Variants in BRI3BP observed in about 807,000 individuals in gnomAD.
BRI3BP encodes the protein BRI3 binding protein, also known as BRI3-binding protein.
Under a neutral mutation model 15.8 loss-of-function variants are expected in BRI3BP, and 7 were observed. That is an observed-to-expected ratio of 0.44 (90% CI 0.25 to 0.83). The LOEUF is 0.83. Among genes scored for constraint, BRI3BP ranks in the 40% least tolerant of loss-of-function variants. BRI3BP has a pLI of 0.20. For synonymous variants in BRI3BP, 192 were observed against 163.5 expected (o/e 1.17, Z -1.33); for missense variants, 320 against 339.3 (o/e 0.94, Z 0.45).
chr12:125,024,204 AAGAG>A (rs1193339533), intron 2 of BRI3BP, among the ~76,000 whole-genome samples: 2 of 152,136 alleles, frequency 1.3e-5, no homozygotes, highest in East Asian at 1.9e-4. Context: ...GCAGGAGAGA[AAGAG>A]AGAGCAAAGG....
rs1440881066 is a variant in BRI3BP, at chr12:125,026,560, G to A, written c.*1130G>A. 3.3e-5 allele frequency: 5 copies of A among 152,218 alleles called. No individual in the cohort carries two copies. The highest frequency in any genetic ancestry group is 4.8e-5 in the African/African-American group (2 of 41,520). 9.4% of individuals were successfully genotyped at this position (152,218 alleles called of 1,614,324 possible). ...TCTGTGGGCAGAGAGTGGGACTTGCGAGGTGGACAGCTGTGGGGATCCTGG... is the reference window on the plus strand; with the variant it reads ...TCTGTGGGCAGAGAGTGGGACTTGCAAGGTGGACAGCTGTGGGGATCCTGG... On this transcript the variant is annotated 3_prime_UTR_variant, in exon 3 of 3. Coordinates refer to ENST00000341446, the MANE Select transcript of BRI3BP (RefSeq NM_080626.6).
the BRI3BP span, among the ~76,000 whole-genome samples, chr12:125,041,313 C>G: frequency 6.6e-6 from 1 of 152,094 alleles, no homozygotes. Flanking sequence ...GCCTCGGCCT[C>G]CCAAAGTGCT....
At chr12:125,008,120 A>G (rs1004658787) in intron 1 of BRI3BP, among the ~76,000 whole-genome samples, 2 of 137,934 alleles carry the variant, frequency 1.4e-5, no homozygotes, top group East Asian at 4.2e-4. Context: ...TGCTGCTGCT[A>G]GTCCGGGCAC....
At chr12:125,007,872 G>A (rs1336522867) in intron 1 of BRI3BP, among the ~76,000 whole-genome samples, 8 of 152,012 alleles carry the variant, frequency 5.3e-5, no homozygotes, top group Admixed American at 2.6e-4. Context: ...GTCTTACTAC[G>A]CGTCTCTTCC....
chr12:125,005,774 TAA>T (rs60960388), intron 1 of BRI3BP, among the ~76,000 whole-genome samples: 4 of 131,988 alleles, frequency 3.0e-5, no homozygotes, highest in Non-Finnish European at 4.9e-5. Context: ...CAAGACTGTT[TAA>T]AAAAAAAAAA....
the BRI3BP span, among the ~76,000 whole-genome samples, chr12:125,040,811 A>AGCC: frequency 6.6e-6 from 1 of 151,104 alleles, no homozygotes. Flanking sequence ...GCTCACTGCA[A>AGCC]CTTCTGCCTC....
At chr12:125,005,477 C>A (rs1955133695) in intron 1 of BRI3BP, among the ~76,000 whole-genome samples, 1 of 151,992 alleles carries the variant, frequency 6.6e-6, no homozygotes, top group African/African-American at 2.4e-5. Flanking sequence ...GTGGTTAGAT[C>A]TAGAGGCCTG....
chr12:125,045,122 G>A, the BRI3BP span, among the ~76,000 whole-genome samples: 1 of 152,002 alleles, frequency 6.6e-6, no homozygotes, highest in African/African-American at 2.4e-5. Context: ...TAAAACATAA[G>A]GTTTGGGAAA....
rs951794670 is a variant in BRI3BP, at chr12:125,030,501, A to G, written c.*5071A>G. 2.0e-5 allele frequency: 3 copies of G among 152,204 alleles called. No individual in the cohort carries two copies. Among genetic ancestry groups the G allele is most frequent in the African/African-American group, 7.2e-5 (3 of 41,444 alleles). The allele number at this position is 152,204 out of a possible 1,614,324, so 9.4% of individuals were successfully genotyped here. A position where few individuals can be genotyped will look rare whatever the true frequency, so the allele number is the denominator to read the frequency against. Reference sequence around the variant, plus strand: ...AAACAAATTTTATTCAGCATATTAAATTATTCTGTGTTTTGCTTTTCCTTG... The same window carrying G: ...AAACAAATTTTATTCAGCATATTAAGTTATTCTGTGTTTTGCTTTTCCTTG... On this transcript the variant is annotated 3_prime_UTR_variant, in exon 3 of 3. Transcript: ENST00000341446.
chr12:125,040,836 GTC>G, the BRI3BP span, among the ~76,000 whole-genome samples: 2 of 145,678 alleles, frequency 1.4e-5, no homozygotes, highest in Non-Finnish European at 3.0e-5. Context: ...ATTCGAGTGA[GTC>G]TCCTGCCTCA....
At chr12:124,997,214 C>CTTTTTTTTTT (rs1229802280) in intron 1 of BRI3BP, among the ~76,000 whole-genome samples, 10,546 of 51,078 alleles carry the variant, frequency 0.21, 2,809 homozygotes, top group South Asian at 0.36. Context: ...CTTTACTTCT[C>CTTTTTTTTTT]TTTTTTTTTT....
At position 125,027,726 on chromosome 12, in the gene BRI3BP, C is replaced by G. The variant is rs564082319; in HGVS notation, c.*2296C>G. ...TTTTTTTGAGATGGAGTCTCACTGT[C>G]AACCAGGCTGGAGTGCAGTGGCACC... On this transcript the variant is annotated 3_prime_UTR_variant, in exon 3 of 3. Transcript: ENST00000341446. The G allele has an allele frequency of 6.6e-6, 1 of 152,016 alleles. No individual in the cohort carries two copies. The highest frequency in any genetic ancestry group is 2.1e-4 in the South Asian group (1 of 4,818). The allele number at this position is 152,016 out of a possible 1,614,324, so 9.4% of individuals were successfully genotyped here. A position where few individuals can be genotyped will look rare whatever the true frequency, so the allele number is the denominator to read the frequency against.
At position 125,009,203 on chromosome 12, in the gene BRI3BP, A is replaced by T. The variant is rs565602810; in HGVS notation, c.214-3331A>T. Among the ~76,000 whole-genome samples, 3 of 148,894 alleles carry T rather than the reference A, an allele frequency of 2.0e-5. No homozygotes were observed. In the South Asian group the frequency reaches 6.4e-4, roughly 32 times the overall value. ...AGCATGTTAGTCAGGCTGGTCTCAA[A>T]CTCCTGACCTCAGGTGATCCACCTG... On this transcript the variant is annotated intron_variant, in intron 1 of 2. Coordinates refer to ENST00000341446, the MANE Select transcript of BRI3BP (RefSeq NM_080626.6).
chr12:125,016,143 C>T (rs576790679), intron 2 of BRI3BP, among the ~76,000 whole-genome samples: 2 of 152,160 alleles, frequency 1.3e-5, no homozygotes, highest in African/African-American at 2.4e-5. Context: ...GCAGCTGGCG[C>T]GTTCTGGAGG....
chr12:125,048,033 AAAG>A, the BRI3BP span, among the ~76,000 whole-genome samples: 4 of 150,762 alleles, frequency 2.7e-5, no homozygotes, highest in African/African-American at 4.9e-5. Context: ...AAAAAAAAAA[AAAG>A]ATTTTAAGTG....
intron 2 of BRI3BP, among the ~76,000 whole-genome samples, chr12:125,020,961 A>C (rs1428008672): frequency 6.6e-6 from 1 of 152,226 alleles, no homozygotes; most frequent in East Asian, 1.9e-4. Context: ...GCTATGGAAA[A>C]TATATCAGTT....
In BRI3BP at chr12:125,030,063, A is replaced by C. The variant is rs1372515306; in HGVS notation, c.*4633A>C. 6.6e-6 allele frequency: 1 copy of C among 152,204 alleles called. No homozygotes were observed. The highest frequency in any genetic ancestry group is 1.5e-5 in the Non-Finnish European group (1 of 68,020). 9.4% of individuals were successfully genotyped at this position (152,204 alleles called of 1,614,324 possible). ...AAGAATAACAGCTGTCAAATGGCCT[A>C]GACATGGTTAATGCAATTTGTTGCT... On this transcript the variant is annotated 3_prime_UTR_variant, in exon 3 of 3. Coordinates refer to ENST00000341446, the MANE Select transcript of BRI3BP (RefSeq NM_080626.6).
intron 1 of BRI3BP, 94 bp from the exon 2 acceptor site, chr12:125,012,440 C>T (rs1183983664): frequency 4.9e-6 from 5 of 1,023,616 alleles, no homozygotes; most frequent in Non-Finnish European, 7.6e-6. Context: ...CTATTTTTCC[C>T]TTCCCAGGTA....
chr12:125,022,951 GAA>G (rs1955313912), intron 2 of BRI3BP, among the ~76,000 whole-genome samples: 1 of 152,194 alleles, frequency 6.6e-6, no homozygotes, highest in African/African-American at 2.4e-5. Flanking sequence ...TGTAAATAGA[GAA>G]TGCAACATTC....
Sources: gnomAD v4.1 joint callset for allele counts (sites outside exome capture counted in the v4.1 genomes callset) on GRCh38, gnomAD v4.1.1 for gene constraint, MANE v1.5 for transcripts, NCBI Gene and HGNC (gene_info 2026-07-23, HGNC 2026-07-21) for gene names.